The following PCDHGA11 variants were observed in gnomAD, a reference collection of about 807,000 sequenced individuals.
PCDHGA11 encodes protocadherin gamma subfamily A, 11, also known as protocadherin gamma-A11.
PCDHGA11 carries 39 observed loss-of-function variants against 60.4 expected under a neutral mutation model. The observed-to-expected ratio is 0.65, with a 90% CI of 0.50 to 0.84. The LOEUF is 0.84. PCDHGA11 is among the 40% of genes least tolerant of loss of function. The pLI, the probability that PCDHGA11 is intolerant of heterozygous loss-of-function variation, is 0.00. For synonymous variants in PCDHGA11, 533 were observed against 510.3 expected, an observed-to-expected ratio of 1.04 and a Z score of -0.60; for missense variants, 1,165 against 1,197.7, an observed-to-expected ratio of 0.97 and a Z score of 0.40.
rs1349189547 is a variant in PCDHGA11 at position 141,432,777 on chromosome 5, C to T, written c.2433+9117C>T. Reference sequence around the variant, plus strand: ...GCCGACAGCATCCCCCAAGTCCTGGCGGACCTCGGCAGCCTCGAGTCTCCA... The same window carrying T: ...GCCGACAGCATCCCCCAAGTCCTGGTGGACCTCGGCAGCCTCGAGTCTCCA... On this transcript the variant is annotated intron_variant, in intron 1 of 3. Coordinates refer to ENST00000398587, the MANE Select transcript of PCDHGA11 (RefSeq NM_018914.3). This position sits in a 1 kb window ranked among gnomAD's most constrained non-coding sequence, Gnocchi z 6.0. The T allele has an allele frequency of 6.2e-6, 10 of 1,614,154 alleles. No individual in the cohort carries two copies. The highest frequency in any genetic ancestry group is 7.6e-6 in the Non-Finnish European group (9 of 1,179,992).
rs762976655 is a variant in PCDHGA11 at position 141,423,360 on chromosome 5, G to T, written c.2133G>T (p.Val711=). ...GCATCTTCCTGGTCTTTGTCATCGT[G>T]CTGCTGGCACTCAGGCTGTGGCGCT... ...VSCIFLVFVI[V]LLALRLWRWH... Residue 711 remains valine (V), a synonymous_variant, in exon 1 of 4, where the codon GTG becomes GTT. Transcript: ENST00000398587. The T allele has an allele frequency of 1.2e-6, 2 of 1,614,224 alleles. No individual in the cohort carries two copies. Among genetic ancestry groups the T allele is most frequent in the South Asian group, 2.2e-5 (2 of 91,076 alleles).
intron 3 of PCDHGA11, among the ~76,000 whole-genome samples, chr5:141,506,567 T>G (rs2099855029): frequency 6.6e-6 from 1 of 152,182 alleles, no homozygotes; most frequent in Non-Finnish European, 1.5e-5. Flanking sequence ...CCCCCTCGGT[T>G]TCACTTACTA....
At position 141,423,206 on chromosome 5, in the gene PCDHGA11, C is replaced by A; in HGVS notation, c.1979C>A (p.Thr660Lys). The A allele has an allele frequency of 6.2e-7, 1 of 1,613,668 alleles. No individual in the cohort carries two copies. The change falls in exon 1 of 4, where the codon ACG becomes AAG. Residue 660 changes from threonine (T) to lysine (K), a missense_variant. Physicochemically the swap from Thr to Lys is moderately conservative, Grantham distance 78. Transcript: ENST00000398587. The part of the protein sequence containing the change: ...HGQPPLSATV[T>K]LTVAVADSIP... ...CAGCCCCCTCTCTCGGCCACCGTCACGCTCACCGTGGCTGTGGCCGACAGC... is the reference window on the plus strand; with the variant it reads ...CAGCCCCCTCTCTCGGCCACCGTCAAGCTCACCGTGGCTGTGGCCGACAGC...
Position 141,491,984 on chromosome 5 carries a change from C to G in PCDHGA11, c.2434-2823C>G. 1.4e-6 allele frequency: 1 copy of G among 734,256 alleles called. No homozygotes were observed. The highest frequency in any genetic ancestry group is 3.2e-5 in the East Asian group (1 of 31,678). The allele number at this position is 734,256 out of a possible 1,614,324, so 45.5% of individuals were successfully genotyped here. ...AAGGCCGGGGCCTCCTTCGAGCTTC[C>G]GGTGAATTTCGGGCGATTTCCGCGG... On this transcript the variant is annotated intron_variant, in intron 1 of 3. Coordinates refer to ENST00000398587, the MANE Select transcript of PCDHGA11 (RefSeq NM_018914.3). The surrounding 1 kb of genome is among the most constrained non-coding windows in gnomAD (Gnocchi z 6.9).
At chr5:141,505,151 G>T (rs2099844154) in intron 2 of PCDHGA11, among the ~76,000 whole-genome samples, 1 of 152,164 alleles carries the variant, frequency 6.6e-6, no homozygotes, top group Non-Finnish European at 1.5e-5. Context: ...GACAGAGTAA[G>T]ACCCTGTCTA....
At chr5:141,439,898 C>A (rs1428014089) in intron 1 of PCDHGA11, 2 of 152,344 alleles carry the variant, frequency 1.3e-5, no homozygotes, top group African/African-American at 4.8e-5. Flanking sequence ...ACCAAGGCGA[C>A]TACTGCCTCC....
rs147522770 is a variant in PCDHGA11, at chr5:141,504,573, C to T, written c.2493-820C>T. On this transcript the variant is annotated intron_variant, in intron 2 of 3. Coordinates refer to ENST00000398587, the MANE Select transcript of PCDHGA11 (RefSeq NM_018914.3). ...TGGGGGACTGGCATTCTAGGGAACA[C>T]CATCTGCCCAGGATTCACAGCAAGA... Among the ~76,000 whole-genome samples the T allele has an allele frequency of 5.4e-5, 8 of 148,158 alleles. No individual in the cohort carries two copies. In the East Asian group the frequency reaches 1.6e-3, roughly 30 times the overall value.
chr5:141,489,191 T>C lies in PCDHGA11; in HGVS notation c.2434-5616T>C. On this transcript the variant is annotated intron_variant, in intron 1 of 3. Coordinates refer to ENST00000398587, the MANE Select transcript of PCDHGA11 (RefSeq NM_018914.3). The surrounding 1 kb of genome is among the most constrained non-coding windows in gnomAD (Gnocchi z 4.5). ...CTGCATTCCAAGCCCTGGGTCTACC[T>C]TGGAGACAGGACAGCACAGACTTAC... The C allele has an allele frequency of 7.3e-7, 1 of 1,364,400 alleles. No homozygotes were observed. Among genetic ancestry groups the C allele is most frequent in the Middle Eastern group, 1.9e-4 (1 of 5,334 alleles). The allele number at this position is 1,364,400 out of a possible 1,614,324, so 84.5% of individuals were successfully genotyped here. A position where few individuals can be genotyped will look rare whatever the true frequency, so the allele number is the denominator to read the frequency against.
intron 1 of PCDHGA11, among the ~76,000 whole-genome samples, chr5:141,484,021 G>A (rs892390865): frequency 2.6e-5 from 4 of 151,080 alleles, no homozygotes; most frequent in African/African-American, 9.7e-5. Context: ...GGGGTGGGGT[G>A]AGATCAAGTC....
Position 141,432,811 on chromosome 5 carries a change from T to G in PCDHGA11, c.2433+9151T>G. Reference sequence around the variant, plus strand: ...GCAGCCTCGAGTCTCCAGCTAACTCTGAAACCTCAGACCTCACTCTGTACC... The same window carrying G: ...GCAGCCTCGAGTCTCCAGCTAACTCGGAAACCTCAGACCTCACTCTGTACC... On this transcript the variant is annotated intron_variant, in intron 1 of 3. Transcript: ENST00000398587. The surrounding 1 kb of genome is among the most constrained non-coding windows in gnomAD (Gnocchi z 6.0). 1 of 1,614,126 alleles carries G rather than the reference T, an allele frequency of 6.2e-7. No homozygotes were observed. Among genetic ancestry groups the G allele is most frequent in the Non-Finnish European group, 8.5e-7 (1 of 1,179,988 alleles).
chr5:141,490,804 T>C lies in PCDHGA11; in HGVS notation c.2434-4003T>C. On this transcript the variant is annotated intron_variant, in intron 1 of 3. Coordinates refer to ENST00000398587, the MANE Select transcript of PCDHGA11 (RefSeq NM_018914.3). This position sits in a 1 kb window ranked among gnomAD's most constrained non-coding sequence, Gnocchi z 5.4. The stretch of plus-strand genomic sequence containing the variant: ...TGGACGGATCTTTGCCCAGCGTACC[T>C]TTGACTATGAATTGCTGCAGATGCT... 2 of 1,613,854 alleles carry C rather than the reference T, an allele frequency of 1.2e-6. No homozygotes were observed. Among genetic ancestry groups the C allele is most frequent in the Non-Finnish European group, 1.7e-6 (2 of 1,179,816 alleles).
At chr5:141,475,819 G>A (rs1232669115) in intron 1 of PCDHGA11, 4 of 350,114 alleles carry the variant, frequency 1.1e-5, no homozygotes, top group Non-Finnish European at 1.6e-5. Context: ...GAAGTTCCTG[G>A]CGCTAGCGCG....
At chr5:141,504,961 G>A (rs995382728) in intron 2 of PCDHGA11, among the ~76,000 whole-genome samples, 2 of 151,928 alleles carry the variant, frequency 1.3e-5, no homozygotes, top group Non-Finnish European at 2.9e-5. Flanking sequence ...TCAATGCATT[G>A]GACCAGCCTG....
At chr5:141,434,453 T>C (rs1172243323) in intron 1 of PCDHGA11, among the ~76,000 whole-genome samples, 1 of 152,226 alleles carries the variant, frequency 6.6e-6, no homozygotes, top group Non-Finnish European at 1.5e-5. Context: ...TGGAAGGTAG[T>C]GGGTTTACCG....
intron 1 of PCDHGA11, among the ~76,000 whole-genome samples, chr5:141,456,621 G>T (rs6885794): frequency 0.55 from 83,339 of 152,038 alleles, 25,195 homozygotes; most frequent in African/African-American, 0.82. Context: ...CTGTAGATTT[G>T]CCTCTTCTTT....
chr5:141,421,754 A>G lies in PCDHGA11; in HGVS notation c.527A>G (p.Asn176Ser), dbSNP rs1230343518. 4 of 1,613,918 alleles carry G rather than the reference A, an allele frequency of 2.5e-6. No homozygotes were observed. Among genetic ancestry groups the G allele is most frequent in the East Asian group, 2.2e-5 (1 of 44,884 alleles). The change falls in exon 1 of 4, where the codon AAT (asparagine) becomes AGT (serine). Residue 176 changes from asparagine (N) to serine (S), a missense_variant. Asn to Ser is a conservative substitution (Grantham distance 46). Transcript: ENST00000398587. ...CTCCAGAGCTACCAGCTCAGCCCTA[A>G]TAATTACTTTTCCTTGCAACTGCGG... is the stretch of plus-strand genomic sequence containing the variant. ...NSLQSYQLSP[N>S]NYFSLQLRGR...
At chr5:141,452,858 T>C (rs904455495) in intron 1 of PCDHGA11, among the ~76,000 whole-genome samples, 1 of 152,202 alleles carries the variant, frequency 6.6e-6, no homozygotes. Flanking sequence ...GGGGAGATGA[T>C]TTTCTAACTC....
intron 1 of PCDHGA11, among the ~76,000 whole-genome samples, chr5:141,448,393 A>G (rs190525499): frequency 6.6e-6 from 1 of 152,306 alleles, no homozygotes; most frequent in Admixed American, 6.5e-5. Flanking sequence ...ATACATTTAC[A>G]TGGTTTTAAA....
intron 1 of PCDHGA11, chr5:141,428,156 C>A: frequency 6.3e-7 from 1 of 1,579,884 alleles, no homozygotes; most frequent in Non-Finnish European, 8.6e-7. Context: ...CGGGAACCTG[C>A]TGGTTGCTGT....
Sources: gnomAD v4.1 joint callset for allele counts (sites outside exome capture counted in the v4.1 genomes callset) on GRCh38, gnomAD v4.1.1 for gene constraint, Gnocchi (gnomAD v3.1) non-coding constraint, MANE v1.5 for transcripts, NCBI Gene and HGNC (gene_info 2026-07-23, HGNC 2026-07-21) for gene names.